PHYHD1: variants seen among roughly 807,000 people sequenced by gnomAD.
PHYHD1 encodes phytanoyl-CoA dioxygenase domain-containing protein 1.
In PHYHD1, 42 loss-of-function variants were observed where a neutral mutation model predicts 43.6. That is an observed-to-expected ratio of 0.96 (90% confidence interval 0.75 to 1.25). PHYHD1 has a LOEUF of 1.25. Ranked by LOEUF, PHYHD1 falls within the 50% of genes most tolerant of loss-of-function variation. The pLI is 0.00. For synonymous variants in PHYHD1, 139 were observed against 143.6 expected, an observed-to-expected ratio of 0.97 and a Z score of 0.23; for missense variants, 342 against 370.8, an observed-to-expected ratio of 0.92 and a Z score of 0.64.
chr9:128,922,654 G>T (rs1056668624), intron 3 of PHYHD1, among the ~76,000 whole-genome samples: 2 of 152,230 alleles, frequency 1.3e-5, no homozygotes, highest in African/African-American at 4.8e-5. Flanking sequence ...CGCTGTTGGG[G>T]GGCGCAGCGC....
At chr9:128,924,552 C>T (rs1841086170) in intron 3 of PHYHD1, among the ~76,000 whole-genome samples, 1 of 150,626 alleles carries the variant, frequency 6.6e-6, no homozygotes, top group Non-Finnish European at 1.5e-5. Flanking sequence ...TTCAAGGCTG[C>T]AATGAGCTAT....
At position 128,932,191 on chromosome 9, in the gene PHYHD1, T is replaced by A. The variant is rs1171576138; in HGVS notation, c.193-1591T>A. On this transcript the variant is annotated intron_variant, in intron 4 of 12. Coordinates refer to ENST00000372592, the MANE Select transcript of PHYHD1 (RefSeq NM_001100876.2). Reference sequence around the variant, plus strand: ...ATTGTTATTATTATTATTATTTTTTTTTTTTGAGATGGAGTCTCGCACTGT... The same window carrying A: ...ATTGTTATTATTATTATTATTTTTTATTTTTGAGATGGAGTCTCGCACTGT... Among the ~76,000 whole-genome samples, 4 of 141,724 alleles carry A rather than the reference T, an allele frequency of 2.8e-5. 1 individual carries two copies. Among genetic ancestry groups the A allele is most frequent in the African/African-American group, 1.1e-4 (4 of 36,684 alleles). The allele number at this position is 141,724 out of a possible 152,430, so 93.0% of individuals were successfully genotyped here.
chr9:128,936,690 C>T, intron 8 of PHYHD1, 45 bp downstream of exon 8: 1 of 1,539,076 alleles, frequency 6.5e-7, no homozygotes, highest in Non-Finnish European at 8.8e-7. Flanking sequence ...GTAAAATGGG[C>T]AGACTGCTCA....
At position 128,941,544 on chromosome 9, in the gene PHYHD1, C is replaced by A; in HGVS notation, c.803C>A (p.Ser268Tyr). 6.2e-7 allele frequency: 1 copy of A among 1,614,172 alleles called. No individual in the cohort carries two copies. The highest frequency in any genetic ancestry group is 8.5e-7 in the Non-Finnish European group (1 of 1,180,040). ...TACACTTTCCACCTCATGGAGGCCTCTGGCACCACCTGGAGCCCGGAGAAC... is the reference window on the plus strand; with the variant it reads ...TACACTTTCCACCTCATGGAGGCCTATGGCACCACCTGGAGCCCGGAGAAC... ...QAYTFHLMEASGTTWSPENWL... is the reference protein window; with the variant it reads ...QAYTFHLMEAYGTTWSPENWL... Residue 268 changes from serine to tyrosine, a missense_variant, in exon 12 of 13, where the codon TCT becomes TAT. By Grantham distance (144) the Ser-to-Tyr change is moderately radical. Transcript: ENST00000372592.
intron 3 of PHYHD1, among the ~76,000 whole-genome samples, chr9:128,924,317 C>T (rs1311097841): frequency 6.6e-6 from 1 of 152,142 alleles, no homozygotes; most frequent in Non-Finnish European, 1.5e-5. Flanking sequence ...ACTCGGGAGG[C>T]TGAGGCAGGA....
In PHYHD1 at chr9:128,927,160, A is replaced by G. The variant is rs1841158102; in HGVS notation, c.156A>G (p.Glu52=). ...EMDVPLHCRT[E]FSTQEEEQLR... ...ATGTTCCTCTCCACTGCCGCACAGA[A>G]TTCTCCACCCAGGAAGAGGAGCAGC... Residue 52 remains glutamate (E), a synonymous_variant, in exon 4 of 13, where the codon GAA becomes GAG. Coordinates refer to ENST00000372592, the MANE Select transcript of PHYHD1 (RefSeq NM_001100876.2). The G allele has an allele frequency of 2.5e-6, 4 of 1,614,068 alleles. No homozygotes were observed. Among genetic ancestry groups the G allele is most frequent in the Non-Finnish European group, 3.4e-6 (4 of 1,179,992 alleles).
At chr9:128,927,267 A>G in intron 4 of PHYHD1, 71 bp downstream of exon 4, 12 of 1,583,144 alleles carry the variant, frequency 7.6e-6, no homozygotes, top group Non-Finnish European at 1.0e-5. Flanking sequence ...CCAGAGCAGC[A>G]TCGTGGAAGG....
rs1371562505 is a variant in PHYHD1 at position 128,927,196 on chromosome 9, G to C, written c.192G>C (p.Gln64His). Residue 64 changes from glutamine to histidine, a missense_variant and splice_region_variant, in exon 4 of 13, where the codon CAG (glutamine) becomes CAC (histidine). By Grantham distance (24) the Gln-to-His change is conservative (BLOSUM62 0). Transcript: ENST00000372592. ...AGGAAGAGGAGCAGCTTCGAGCCCA[G>C]GTAGGTGTCTGGGGCACATGAGGAT... ...STQEEEQLRA[Q>H]GSTDYFLSSG... The C allele has an allele frequency of 6.2e-7, 1 of 1,613,848 alleles. No individual in the cohort carries two copies.
chr9:128,928,347 T>C (rs1841190175), intron 4 of PHYHD1, among the ~76,000 whole-genome samples: 1 of 152,124 alleles, frequency 6.6e-6, no homozygotes, highest in Admixed American at 6.6e-5. Context: ...GGCCGAATCC[T>C]GTGCCCTCCA....
chr9:128,922,170 C>A, intron 2 of PHYHD1, 113 bp from the exon 3 acceptor site: 1 of 798,704 alleles, frequency 1.3e-6, no homozygotes, highest in Non-Finnish European at 2.0e-6. Flanking sequence ...CTGGAGGTCA[C>A]AGGCTGATCT....
chr9:128,931,992 G>A (rs1370857890), intron 4 of PHYHD1, among the ~76,000 whole-genome samples: 4 of 149,514 alleles, frequency 2.7e-5, no homozygotes, highest in African/African-American at 9.9e-5. Context: ...ATGCTACCAC[G>A]CCCGGCTAAT....
At position 128,938,785 on chromosome 9, in the gene PHYHD1, A is replaced by C. The variant is rs1408135121; in HGVS notation, c.457+1007A>C. Among the ~76,000 whole-genome samples, 3 of 131,028 alleles carry C rather than the reference A, an allele frequency of 2.3e-5. 1 individual carries two copies. The highest frequency in any genetic ancestry group is 5.3e-5 in the Non-Finnish European group (3 of 56,288). 86.0% of individuals were successfully genotyped at this position (131,028 alleles called of 152,430 possible). A position where few individuals can be genotyped will look rare whatever the true frequency, so the allele number is the denominator to read the frequency against. ...AATTCAGCATAGAAATTGCTGATCT[A>C]GTTCCACACCCTACACCATGCAGCC... On this transcript the variant is annotated intron_variant, in intron 9 of 12. Transcript: ENST00000372592.
intron 2 of PHYHD1, 63 bp downstream of exon 2, chr9:128,922,110 G>T: frequency 1.8e-6 from 1 of 562,280 alleles, no homozygotes; most frequent in Non-Finnish European, 3.2e-6. Flanking sequence ...AATCCTTGGA[G>T]ATGGGAAAGG....
chr9:128,936,748 G>A, intron 8 of PHYHD1, 103 bp downstream of exon 8: 2 of 1,268,316 alleles, frequency 1.6e-6, no homozygotes, highest in Non-Finnish European at 2.2e-6. Flanking sequence ...GAATTATTAT[G>A]TTGGTGGGAG....
chr9:128,940,716 G>A lies in PHYHD1; in HGVS notation c.703+1G>A, dbSNP rs1320056668. On this transcript the variant is annotated splice_donor_variant, in intron 11 of 12. Coordinates refer to ENST00000372592, the MANE Select transcript of PHYHD1 (RefSeq NM_001100876.2). LOFTEE classifies it high-confidence loss of function. ...TTTGTGCCCACCCCAGTGCAGAGAG[G>A]TAGGCAGATGCAGAGGGCAGAGAGG... 1 of 1,613,012 alleles carries A rather than the reference G, an allele frequency of 6.2e-7. No individual in the cohort carries two copies. Among genetic ancestry groups the A allele is most frequent in the Admixed American group, 1.7e-5 (1 of 60,012 alleles).
Position 128,933,685 on chromosome 9 carries a change from G to C in PHYHD1, c.193-97G>C, listed in dbSNP as rs748704716. ...AAGCCCCCAGGGTGTCTGTAACCCT[G>C]TGAGGGTGGGAAGCTTCTGAATCCG... On this transcript the variant is annotated intron_variant, in intron 4 of 12. Coordinates refer to ENST00000372592, the MANE Select transcript of PHYHD1 (RefSeq NM_001100876.2). 3.0e-6 allele frequency: 4 copies of C among 1,318,524 alleles called. No individual in the cohort carries two copies. The African/African-American group carries it at 4.4e-5, about 14-fold the overall frequency. 81.7% of individuals were successfully genotyped at this position (1,318,524 alleles called of 1,614,324 possible).
intron 4 of PHYHD1, among the ~76,000 whole-genome samples, chr9:128,929,853 G>A (rs946754545): frequency 2.6e-4 from 40 of 151,974 alleles, no homozygotes; most frequent in Non-Finnish European, 5.9e-5. Context: ...ATCCAGGCAT[G>A]GTGGCTCAAG....
intron 3 of PHYHD1, among the ~76,000 whole-genome samples, chr9:128,923,018 C>A (rs999800862): frequency 6.7e-6 from 1 of 148,150 alleles, no homozygotes; most frequent in Non-Finnish European, 1.5e-5. Context: ...AATCTTGGCT[C>A]ACCACAACCT....
intron 4 of PHYHD1, among the ~76,000 whole-genome samples, chr9:128,928,158 TG>T (rs1027106937): frequency 6.6e-6 from 1 of 152,110 alleles, no homozygotes; most frequent in African/African-American, 2.4e-5. Context: ...TCCCAGGGAA[TG>T]GGAAGAATGG....
Sources: allele counts gnomAD v4.1 joint callset (sites outside exome capture counted in the v4.1 genomes callset), GRCh38; gene constraint gnomAD v4.1.1; transcripts MANE v1.5; gene names NCBI Gene and HGNC (gene_info 2026-07-23, HGNC 2026-07-21).